The following SRGAP3 variants were observed in gnomAD, a reference collection of about 807,000 sequenced individuals.
SRGAP3 encodes the protein SLIT-ROBO Rho GTPase-activating protein 3.
Under a neutral mutation model 121.1 loss-of-function variants are expected in SRGAP3, and 39 were observed. The observed-to-expected ratio is 0.32, with a 90% CI of 0.25 to 0.42. The LOEUF (loss-of-function observed/expected upper bound fraction) is 0.42. Among genes scored for constraint, SRGAP3 ranks in the 10% least tolerant of loss-of-function variants. The pLI, the probability that SRGAP3 is intolerant of heterozygous loss-of-function variation, is 1.00. For synonymous variants in SRGAP3, 601 were observed against 570.0 expected (o/e 1.05, Z -0.77); for missense variants, 1,213 against 1,470.6 (o/e 0.82, Z 2.86).
intron 12 of SRGAP3, among the ~76,000 whole-genome samples, chr3:9,029,000 C>G (rs1944346567): frequency 6.6e-6 from 1 of 152,270 alleles, no homozygotes; most frequent in South Asian, 2.1e-4. Flanking sequence ...GAGCACTTGT[C>G]CCATCCAGGC....
chr3:9,053,174 A>G lies in SRGAP3; in HGVS notation c.1176T>C (p.Thr392=). The change falls in exon 9 of 22, where the codon ACT becomes ACC. Residue 392 remains threonine (T), a synonymous_variant. Transcript: ENST00000383836. ...ATMQTLQDML[T]VEDFDVSDAF... is the part of the protein sequence containing the mutation. ...CATCGGAGACATCAAAGTCCTCCAC[A>G]GTCAGCATGTCCTGTAATGTCTGCA... is the stretch of plus-strand genomic sequence containing the variant. 6.2e-7 allele frequency: 1 copy of G among 1,614,218 alleles called. No homozygotes were observed. The highest frequency in any genetic ancestry group is 1.7e-5 in the Admixed American group (1 of 60,024).
chr3:9,275,031 A>C (rs921733083), intron 3 of SRGAP3, among the ~76,000 whole-genome samples: 3 of 152,202 alleles, frequency 2.0e-5, no homozygotes, highest in Non-Finnish European at 4.4e-5. Context: ...CCAAGGTTCC[A>C]GGCTTGAGGG....
At chr3:9,064,005 G>A (rs895159364) in intron 5 of SRGAP3, among the ~76,000 whole-genome samples, 31 of 151,868 alleles carry the variant, frequency 2.0e-4, no homozygotes, top group Admixed American at 3.9e-4. Context: ...CTCACCCCCC[G>A]CCCCTACCCT....
chr3:8,982,554 C>G lies in SRGAP3; in HGVS notation c.*2965G>C. 4.5e-6 allele frequency: 1 copy of G among 223,324 alleles called. No homozygotes were observed. The highest frequency in any genetic ancestry group is 9.0e-6 in the Non-Finnish European group (1 of 111,552). The allele number at this position is 223,324 out of a possible 1,614,324, so 13.8% of individuals were successfully genotyped here. A position where few individuals can be genotyped will look rare whatever the true frequency, so the allele number is the denominator to read the frequency against. On this transcript the variant is annotated 3_prime_UTR_variant, in exon 22 of 22. Transcript: ENST00000383836. ...TTACAATTTCACATTTTAACAGTTACTTTCCAGCATTTAAGCAAATACAGC... is the reference window on the plus strand; with the variant it reads ...TTACAATTTCACATTTTAACAGTTAGTTTCCAGCATTTAAGCAAATACAGC...
intron 1 of SRGAP3, among the ~76,000 whole-genome samples, chr3:9,219,790 G>T (rs1418503304): frequency 6.6e-6 from 1 of 152,144 alleles, no homozygotes; most frequent in East Asian, 1.9e-4. Flanking sequence ...GGTGGAGCTT[G>T]CAGTGAGCCA....
intron 3 of SRGAP3, among the ~76,000 whole-genome samples, chr3:9,292,433 T>C (rs1371244145): frequency 6.6e-6 from 1 of 152,196 alleles, no homozygotes; most frequent in Non-Finnish European, 1.5e-5. Context: ...CTGCCTTCTC[T>C]ATCCACCTTA....
chr3:9,242,594 C>T (rs1299925496), intron 1 of SRGAP3, among the ~76,000 whole-genome samples: 1 of 152,234 alleles, frequency 6.6e-6, no homozygotes, highest in Non-Finnish European at 1.5e-5. Flanking sequence ...AAGATCGTGC[C>T]ACTGCACTCC....
chr3:9,172,093 CT>C (rs1553684903), intron 1 of SRGAP3, among the ~76,000 whole-genome samples: 2,547 of 90,158 alleles, frequency 0.028, 41 homozygotes, highest in African/African-American at 0.063. Context: ...TTTTTCTTTT[CT>C]TTTTTTTTTT....
At chr3:9,069,910 G>A (rs938866791) in intron 4 of SRGAP3, among the ~76,000 whole-genome samples, 3 of 152,098 alleles carry the variant, frequency 2.0e-5, no homozygotes, top group South Asian at 2.1e-4. Context: ...TTGTGCCACT[G>A]CACTCCAGCC....
intron 1 of SRGAP3, among the ~76,000 whole-genome samples, chr3:9,141,550 A>AGGGG (rs1354567563): frequency 1.0e-4 from 12 of 117,010 alleles, no homozygotes; most frequent in African/African-American, 5.2e-4. Context: ...ATCTGACTTC[A>AGGGG]GGGGTGTGTG....
At chr3:9,150,794 C>T (rs553272269) in intron 1 of SRGAP3, among the ~76,000 whole-genome samples, 1 of 152,340 alleles carries the variant, frequency 6.6e-6, no homozygotes, top group South Asian at 2.1e-4. Context: ...TGTGTTGTGG[C>T]ATTCATTCAT....
chr3:9,069,392 A>G (rs943651870), intron 4 of SRGAP3, among the ~76,000 whole-genome samples: 4 of 152,186 alleles, frequency 2.6e-5, no homozygotes, highest in African/African-American at 9.6e-5. Context: ...AGGTGGATGC[A>G]GGAGCTCAGC....
intron 1 of SRGAP3, among the ~76,000 whole-genome samples, chr3:9,157,209 C>T (rs1420982609): frequency 6.6e-6 from 1 of 152,128 alleles, no homozygotes; most frequent in African/African-American, 2.4e-5. Flanking sequence ...ATAATCACGG[C>T]AGAAGGGCGA....
intron 1 of SRGAP3, among the ~76,000 whole-genome samples, chr3:9,211,135 T>A (rs1032294996): frequency 3.3e-5 from 5 of 152,120 alleles, no homozygotes; most frequent in Admixed American, 6.6e-5. Context: ...AGTAAGGTGT[T>A]GAGGGGGGAG....
intron 1 of SRGAP3, among the ~76,000 whole-genome samples, chr3:9,180,997 C>T (rs562507891): frequency 1.3e-5 from 2 of 152,282 alleles, no homozygotes; most frequent in African/African-American, 4.8e-5. Context: ...CGGAGGCAGC[C>T]GGGGGCAGTG....
chr3:9,175,010 TGCAG>T (rs1560342771), intron 1 of SRGAP3, among the ~76,000 whole-genome samples: 1 of 152,130 alleles, frequency 6.6e-6, no homozygotes, highest in Non-Finnish European at 1.5e-5. Context: ...ACTCAGTGCA[TGCAG>T]GCACTGCTGG....
intron 1 of SRGAP3, among the ~76,000 whole-genome samples, chr3:9,144,463 T>C (rs1433547117): frequency 6.6e-6 from 1 of 152,262 alleles, no homozygotes; most frequent in Non-Finnish European, 1.5e-5. Context: ...ATGGTTTGGC[T>C]GTGTCTCCAC....
rs988490042 is a variant in SRGAP3, at chr3:8,984,887, G to C, written c.*632C>G. On this transcript the variant is annotated 3_prime_UTR_variant, in exon 22 of 22. Coordinates refer to ENST00000383836, the MANE Select transcript of SRGAP3 (RefSeq NM_014850.4). ...TGTTTTTGTTTGTGTTTTTCTGCAG[G>C]TTAGTGGTATATTGCTTCATTCGCA... is the stretch of plus-strand genomic sequence containing the variant. 8.7e-6 allele frequency: 2 copies of C among 229,450 alleles called. No homozygotes were observed. Among genetic ancestry groups the C allele is most frequent in the African/African-American group, 2.2e-5 (1 of 45,062 alleles). 14.2% of individuals were successfully genotyped at this position (229,450 alleles called of 1,614,324 possible).
chr3:9,123,403 CATACAT>C (rs1949095416), intron 2 of SRGAP3, among the ~76,000 whole-genome samples: 8 of 3,522 alleles, frequency 2.3e-3, no homozygotes, highest in Non-Finnish European at 0.014. Context: ...ACACAATACA[CATACAT>C]ACACATACAT....
Sources: allele counts gnomAD v4.1 joint callset (sites outside exome capture counted in the v4.1 genomes callset), GRCh38; gene constraint gnomAD v4.1.1; transcripts MANE v1.5; gene names NCBI Gene and HGNC (gene_info 2026-07-23, HGNC 2026-07-21).